Variants in DDR1 observed in about 807,000 individuals in gnomAD.
DDR1 encodes epithelial discoidin domain-containing receptor 1.
In DDR1, 64 loss-of-function variants were observed where a neutral mutation model predicts 97.4. That is an observed-to-expected ratio of 0.66 (90% CI 0.54 to 0.81). DDR1 has a LOEUF of 0.81. Among genes scored for constraint, DDR1 ranks in the 30% least tolerant of loss-of-function variants. The pLI is 0.00. For synonymous variants in DDR1, 458 were observed against 503.7 expected, an observed-to-expected ratio of 0.91 and a Z score of 1.21; for missense variants, 990 against 1,259.6, an observed-to-expected ratio of 0.79 and a Z score of 3.24.
chr6:30,891,975 C>G lies in DDR1; in HGVS notation c.666-27C>G. On this transcript the variant is annotated intron_variant, in intron 6 of 17. Transcript: ENST00000376568. This position sits in a 1 kb window ranked among gnomAD's most constrained non-coding sequence, Gnocchi z 5.3. ...TCAAGACCCTCTTCCCTTCCAACCT[C>G]CTCTTCCTTGGTCCCCTCTTCTCCA... 1.2e-6 allele frequency: 2 copies of G among 1,612,278 alleles called. No individual in the cohort carries two copies. The highest frequency in any genetic ancestry group is 1.7e-6 in the Non-Finnish European group (2 of 1,178,966).
rs745485473 is a variant in DDR1 at position 30,891,049 on chromosome 6, G to A, written c.494G>A (p.Arg165His). ...CCCCCCATGGTTGCCCGACTGGTTC[G>A]CTTCTACCCCCGGGCTGACCGGGTC... ...LGPPMVARLV[R>H]FYPRADRVMS... The change falls in exon 5 of 18, where the codon CGC (arginine) becomes CAC (histidine). Residue 165 changes from arginine (R) to histidine (H), a missense_variant. Transcript: ENST00000376568. This position sits in a 1 kb window ranked among gnomAD's most constrained non-coding sequence, Gnocchi z 5.3. 2 of 1,613,054 alleles carry A rather than the reference G, an allele frequency of 1.2e-6. No homozygotes were observed. Among genetic ancestry groups the A allele is most frequent in the Non-Finnish European group, 1.7e-6 (2 of 1,180,016 alleles).
In DDR1 at chr6:30,890,761, G is replaced by A. The variant is rs1787791845; in HGVS notation, c.418-212G>A. Reference sequence around the variant, plus strand: ...GCAGCTGAGCCTGAAGTCTGAGGATGGAACATCAGAGCTGCGACAGAGCCA... The same window carrying A: ...GCAGCTGAGCCTGAAGTCTGAGGATAGAACATCAGAGCTGCGACAGAGCCA... On this transcript the variant is annotated intron_variant, in intron 4 of 17. Transcript: ENST00000376568. This position sits in a 1 kb window ranked among gnomAD's most constrained non-coding sequence, Gnocchi z 5.0. 2 of 505,808 alleles carry A rather than the reference G, an allele frequency of 4.0e-6. No homozygotes were observed. Among genetic ancestry groups the A allele is most frequent in the Admixed American group, 3.8e-5 (1 of 26,666 alleles). 31.3% of individuals were successfully genotyped at this position (505,808 alleles called of 1,614,324 possible).
At chr6:30,881,629 C>A (rs1222180991), upstream of DDR1, among the ~76,000 whole-genome samples, 1 of 152,150 alleles carries the variant, frequency 6.6e-6, no homozygotes, top group Admixed American at 6.5e-5. Context: ...TTGTTTCCAA[C>A]ACTGTTTCCT....
chr6:30,895,457 C>T lies in DDR1; in HGVS notation c.1567C>T (p.Pro523Ser), dbSNP rs757720595. The change falls in exon 12 of 18, where the codon CCC becomes TCC. Residue 523 changes from proline to serine, a missense_variant. Pro to Ser is a moderately conservative substitution (Grantham distance 74). Transcript: ENST00000376568. ...CCTCCTTCTGGCCACTTACGCCCGTCCCCCTCGAGGCCCGGGCCCCCCCAC... is the reference window on the plus strand; with the variant it reads ...CCTCCTTCTGGCCACTTACGCCCGTTCCCCTCGAGGCCCGGGCCCCCCCAC... ...YRLLLATYAR[P>S]PRGPGPPTPA... 1 of 1,608,958 alleles carries T rather than the reference C, an allele frequency of 6.2e-7. No individual in the cohort carries two copies. The highest frequency in any genetic ancestry group is 1.1e-5 in the South Asian group (1 of 90,498).
At position 30,892,025 on chromosome 6, in the gene DDR1, A is replaced by G. The variant is rs1483756327; in HGVS notation, c.689A>G (p.Gln230Arg). The change falls in exon 7 of 18, where the codon CAG (glutamine) becomes CGG (arginine). Residue 230 changes from glutamine (Q) to arginine (R), a missense_variant. Coordinates refer to ENST00000376568, the MANE Select transcript of DDR1 (RefSeq NM_001297654.2). ...AGACTGCAGTATGGGGGTCTGGGCC[A>G]GCTGGCAGATGGTGTGGTGGGGCTG... ...VGGLQYGGLGQLADGVVGLDD... is the reference protein window; with the variant it reads ...VGGLQYGGLGRLADGVVGLDD... The G allele has an allele frequency of 1.2e-6, 2 of 1,614,056 alleles. No homozygotes were observed. Among genetic ancestry groups the G allele is most frequent in the Admixed American group, 1.7e-5 (1 of 60,014 alleles).
In DDR1 at chr6:30,891,554, TGTGAGA is replaced by T. The variant is rs2150339343; in HGVS notation, c.665+79_665+84del. 9 of 943,250 alleles carry T rather than the reference TGTGAGA, an allele frequency of 9.5e-6. No individual in the cohort carries two copies. Among genetic ancestry groups the T allele is most frequent in the Non-Finnish European group, 1.5e-5 (9 of 614,426 alleles). The allele number at this position is 943,250 out of a possible 1,614,324, so 58.4% of individuals were successfully genotyped here. A position where few individuals can be genotyped will look rare whatever the true frequency, so the allele number is the denominator to read the frequency against. On this transcript the variant is annotated intron_variant, in intron 6 of 17. Transcript: ENST00000376568. The surrounding 1 kb of genome is among the most constrained non-coding windows in gnomAD (Gnocchi z 5.3). The stretch of plus-strand genomic sequence containing the variant: ...GTGTGTGTGTGTGTGTGTGTGTGTG[TGTGAGA>T]GTGTGTGTGTGTAGGGGGGCTGGTA...
In DDR1 at chr6:30,884,833, C is replaced by T. The variant is rs1785188438; in HGVS notation, c.-43+123C>T. The stretch of plus-strand genomic sequence containing the variant: ...GACGTCCCGAGCCATGCTTGGTCGT[C>T]CAGCTCTTCTAAGCCTCCCTGCCCG... On this transcript the variant is annotated intron_variant, in intron 1 of 17. Transcript: ENST00000376568. The surrounding 1 kb of genome is among the most constrained non-coding windows in gnomAD (Gnocchi z 6.1). The T allele has an allele frequency of 2.4e-5, 6 of 254,722 alleles. No homozygotes were observed. The highest frequency in any genetic ancestry group is 8.8e-5 in the African/African-American group (4 of 45,412). 15.8% of individuals were successfully genotyped at this position (254,722 alleles called of 1,614,324 possible). A position where few individuals can be genotyped will look rare whatever the true frequency, so the allele number is the denominator to read the frequency against.
In DDR1 at chr6:30,891,237, G is replaced by A. The variant is rs1382358495; in HGVS notation, c.565+117G>A. 6.6e-7 allele frequency: 1 copy of A among 1,507,486 alleles called. No homozygotes were observed. Among genetic ancestry groups the A allele is most frequent in the Admixed American group, 1.8e-5 (1 of 56,046 alleles). The allele number at this position is 1,507,486 out of a possible 1,614,324, so 93.4% of individuals were successfully genotyped here. A position where few individuals can be genotyped will look rare whatever the true frequency, so the allele number is the denominator to read the frequency against. On this transcript the variant is annotated intron_variant, in intron 5 of 17. Coordinates refer to ENST00000376568, the MANE Select transcript of DDR1 (RefSeq NM_001297654.2). The surrounding 1 kb of genome is among the most constrained non-coding windows in gnomAD (Gnocchi z 5.3). Reference sequence around the variant, plus strand: ...TGCTGGGAAGCTGTCACTCTGAGGAGGGGGCTAGCCAGCATTGTCTCCTCC... The same window carrying A: ...TGCTGGGAAGCTGTCACTCTGAGGAAGGGGCTAGCCAGCATTGTCTCCTCC...
chr6:30,885,957 A>AG (rs1414142912), intron 1 of DDR1: 2 of 530,042 alleles, frequency 3.8e-6, no homozygotes, highest in East Asian at 6.9e-5. Context: ...ATGGAGTGGA[A>AG]GGGGGTGGGA....
chr6:30,893,694 C>G (rs1789537635), intron 10 of DDR1, among the ~76,000 whole-genome samples: 1 of 152,196 alleles, frequency 6.6e-6, no homozygotes, highest in Non-Finnish European at 1.5e-5. Flanking sequence ...AGACTTTGGT[C>G]CTGGGATGCA....
intron 1 of DDR1, chr6:30,885,694 G>A: frequency 1.5e-6 from 2 of 1,313,568 alleles, no homozygotes; most frequent in Non-Finnish European, 2.0e-6. Flanking sequence ...TGGACGGGTT[G>A]ATGTATGCAT....
chr6:30,895,205 T>C (rs1003235113), intron 11 of DDR1, among the ~76,000 whole-genome samples, 199 bp from the exon 12 acceptor site: 1 of 152,168 alleles, frequency 6.6e-6, no homozygotes, highest in African/African-American at 2.4e-5. Context: ...CATCCATCCA[T>C]CTATTCATAC....
rs777867704 is a variant in DDR1 at position 30,891,191 on chromosome 6, G to A, written c.565+71G>A. On this transcript the variant is annotated intron_variant, in intron 5 of 17. Transcript: ENST00000376568. This position sits in a 1 kb window ranked among gnomAD's most constrained non-coding sequence, Gnocchi z 5.3. ...TGGAGGGTGGGGAGTGTGGAGAATG[G>A]GCATCCAGGATCCCTTCTCCTGCTG... The A allele has an allele frequency of 6.3e-7, 1 of 1,588,318 alleles. No homozygotes were observed.
In DDR1 at chr6:30,889,965, T is replaced by A. The variant is rs1410485077; in HGVS notation, c.417+535T>A. 1.3e-5 allele frequency among the ~76,000 whole-genome samples: 2 copies of A among 152,144 alleles called. No homozygotes were observed. The highest frequency in any genetic ancestry group is 2.9e-5 in the Non-Finnish European group (2 of 68,028). ...CCCCGTCTGTTCTACCTCCATAGTG[T>A]TCCTGAGTCCAGTCACTCCTCACCA... On this transcript the variant is annotated intron_variant, in intron 4 of 17. Transcript: ENST00000376568. This position sits in a 1 kb window ranked among gnomAD's most constrained non-coding sequence, Gnocchi z 4.9.
At position 30,894,069 on chromosome 6, in the gene DDR1, G is replaced by A. The variant is rs1789714808; in HGVS notation, c.1348-437G>A. Among the ~76,000 whole-genome samples the A allele has an allele frequency of 6.6e-6, 1 of 151,210 alleles. No individual in the cohort carries two copies. The highest frequency in any genetic ancestry group is 1.5e-5 in the Non-Finnish European group (1 of 67,682). On this transcript the variant is annotated intron_variant, in intron 10 of 17. Coordinates refer to ENST00000376568, the MANE Select transcript of DDR1 (RefSeq NM_001297654.2). The surrounding 1 kb of genome is among the most constrained non-coding windows in gnomAD (Gnocchi z 5.7). ...GTTCGAGACCAGCCTGACCAACATG[G>A]TGAAATCCCATCTCTACTAAGAATA...
At position 30,899,474 on chromosome 6, in the gene DDR1, C is replaced by T; in HGVS notation, c.*178C>T. On this transcript the variant is annotated 3_prime_UTR_variant, in exon 18 of 18. Coordinates refer to ENST00000376568, the MANE Select transcript of DDR1 (RefSeq NM_001297654.2). ...CCAGGGAGCTGATGCCCCTTCTCCC[C>T]TTCCTGGACACACTCTCATGTCCCC... is the stretch of plus-strand genomic sequence containing the variant. 2 of 700,658 alleles carry T rather than the reference C, an allele frequency of 2.9e-6. No homozygotes were observed. The highest frequency in any genetic ancestry group is 2.3e-6 in the Non-Finnish European group (1 of 433,470). The allele number at this position is 700,658 out of a possible 1,614,324, so 43.4% of individuals were successfully genotyped here. A position where few individuals can be genotyped will look rare whatever the true frequency, so the allele number is the denominator to read the frequency against.
chr6:30,897,067 C>T lies in DDR1; in HGVS notation c.1923C>T (p.Pro641=), dbSNP rs1187943084. The change falls in exon 14 of 18, where the codon CCC becomes CCT. Residue 641 remains proline, a synonymous_variant. Transcript: ENST00000376568. The surrounding 1 kb of genome is among the most constrained non-coding windows in gnomAD (Gnocchi z 5.2). ...AAGATCTGGTTAGTCTTGATTTCCC[C>T]CTTAATGTGCGTAAGGGACACCCTT... is the stretch of plus-strand genomic sequence containing the variant. ...SPQDLVSLDF[P]LNVRKGHPLL... 1.2e-6 allele frequency: 2 copies of T among 1,613,932 alleles called. No individual in the cohort carries two copies. Among genetic ancestry groups the T allele is most frequent in the East Asian group, 2.2e-5 (1 of 44,862 alleles).
intron 15 of DDR1, 49 bp from the exon 16 acceptor site, chr6:30,898,024 G>T: frequency 6.9e-7 from 1 of 1,450,478 alleles, no homozygotes; most frequent in Non-Finnish European, 9.6e-7. Context: ...CTCCTGGATG[G>T]GAATCTGCGA....
rs1581994212 is a variant in DDR1 at position 30,884,642 on chromosome 6, T to C, written c.-111T>C. On this transcript the variant is annotated 5_prime_UTR_variant, in exon 1 of 18. Coordinates refer to ENST00000376568, the MANE Select transcript of DDR1 (RefSeq NM_001297654.2). This position sits in a 1 kb window ranked among gnomAD's most constrained non-coding sequence, Gnocchi z 6.1. Reference sequence around the variant, plus strand: ...TGGCTCCCTCCGCCTCCCCCGCCCCTCGCCCCGCCGCCGAAGAGGCCCCGC... The same window carrying C: ...TGGCTCCCTCCGCCTCCCCCGCCCCCCGCCCCGCCGCCGAAGAGGCCCCGC... 6.7e-6 allele frequency: 1 copy of C among 149,894 alleles called. No homozygotes were observed. The highest frequency in any genetic ancestry group is 2.5e-5 in the African/African-American group (1 of 40,550). 9.3% of individuals were successfully genotyped at this position (149,894 alleles called of 1,614,324 possible).
Sources: allele counts gnomAD v4.1 joint callset (sites outside exome capture counted in the v4.1 genomes callset), GRCh38; gene constraint gnomAD v4.1.1; non-coding constraint Gnocchi (gnomAD v3.1); transcripts MANE v1.5; gene names NCBI Gene and HGNC (gene_info 2026-07-23, HGNC 2026-07-21).